LRRC8E: variants seen among roughly 807,000 people sequenced by gnomAD.
LRRC8E encodes leucine rich repeat containing 8 VRAC subunit E.
A neutral mutation model predicts 6.1 loss-of-function variants in LRRC8E; 6 were observed. That is an observed-to-expected ratio of 0.98 (90% confidence interval 0.54 to 1.93). LRRC8E has a LOEUF of 1.93. LRRC8E is among the 30% of genes most tolerant of loss of function. LRRC8E has a pLI of 0.01. For synonymous variants in LRRC8E, 485 were observed against 472.8 expected (o/e 1.03, Z -0.33); for missense variants, 1,028 against 1,031.4 (o/e 1.00, Z 0.04).
rs1056372373 is a variant in LRRC8E at position 7,900,402 on chromosome 19, A to G, written c.1880A>G (p.Gln627Arg). ...TCCATCGAGGAAATCCTCAGCTTCC[A>G]GCACTGCCGGAAGCTGGTCACGCTC... ...LRSIEEILSF[Q>R]HCRKLVTLRL... is the part of the protein sequence containing the mutation. Residue 627 changes from glutamine (Q) to arginine (R), a missense_variant, in exon 3 of 3, where the codon CAG (glutamine) becomes CGG (arginine). Gln to Arg is a conservative substitution (Grantham distance 43). Transcript: ENST00000306708. This position sits in a 1 kb window ranked among gnomAD's most constrained non-coding sequence, Gnocchi z 5.0. 3 of 1,612,892 alleles carry G rather than the reference A, an allele frequency of 1.9e-6. No individual in the cohort carries two copies. Among genetic ancestry groups the G allele is most frequent in the South Asian group, 2.2e-5 (2 of 91,062 alleles).
At chr19:7,891,162 C>T (rs947724676) in intron 1 of LRRC8E, among the ~76,000 whole-genome samples, 1 of 152,158 alleles carries the variant, frequency 6.6e-6, no homozygotes, top group African/African-American at 2.4e-5. Flanking sequence ...GCAAAGTCTC[C>T]GACATCCACG....
intron 1 of LRRC8E, among the ~76,000 whole-genome samples, chr19:7,891,347 T>G (rs1338271784): frequency 2.0e-5 from 3 of 152,126 alleles, no homozygotes; most frequent in African/African-American, 4.8e-5. Context: ...CTGTGGAAAT[T>G]TAATGGCAGG....
rs369959653 is a variant in LRRC8E, at chr19:7,895,782, G to A, written c.138+41G>A. On this transcript the variant is annotated intron_variant, in intron 2 of 2. Transcript: ENST00000306708. This position sits in a 1 kb window ranked among gnomAD's most constrained non-coding sequence, Gnocchi z 4.7. ...GGCAAGGGGGTGTGACCAGAGGGGC[G>A]GGGCAGGTGTCTGGGGAAGTCGGGA... 6.2e-5 allele frequency: 99 copies of A among 1,597,804 alleles called. No individual in the cohort carries two copies. Among genetic ancestry groups the A allele is most frequent in the Middle Eastern group, 3.4e-4 (2 of 5,898 alleles).
At position 7,901,021 on chromosome 19, in the gene LRRC8E, G is replaced by GC; in HGVS notation, c.*108_*109insC. ...CCAAGTGGGTCCAGGCCAGGAGATG[G>GC]GGGGGGCGGGGGCAGCTGTGTCATC... On this transcript the variant is annotated 3_prime_UTR_variant, in exon 3 of 3. Coordinates refer to ENST00000306708, the MANE Select transcript of LRRC8E (RefSeq NM_025061.6). The GC allele has an allele frequency of 1.6e-6, 1 of 626,086 alleles. No homozygotes were observed. Among genetic ancestry groups the GC allele is most frequent in the Non-Finnish European group, 2.3e-6 (1 of 439,780 alleles). 38.8% of individuals were successfully genotyped at this position (626,086 alleles called of 1,614,324 possible).
At chr19:7,896,487 T>C (rs931385262) in intron 2 of LRRC8E, among the ~76,000 whole-genome samples, 9 of 151,164 alleles carry the variant, frequency 6.0e-5, no homozygotes, top group Non-Finnish European at 1.2e-4. Flanking sequence ...GGCAGGAAAA[T>C]TGCTTGAACC....
Position 7,901,012 on chromosome 19 carries a change from C to G in LRRC8E, c.*99C>G. The stretch of plus-strand genomic sequence containing the variant: ...GATAGGAAGCCAAGTGGGTCCAGGC[C>G]AGGAGATGGGGGGGGCGGGGGCAGC... On this transcript the variant is annotated 3_prime_UTR_variant, in exon 3 of 3. Transcript: ENST00000306708. 7 of 595,578 alleles carry G rather than the reference C, an allele frequency of 1.2e-5. No homozygotes were observed. Among genetic ancestry groups the G allele is most frequent in the Middle Eastern group, 5.0e-4 (1 of 2,020 alleles). The allele number at this position is 595,578 out of a possible 1,614,324, so 36.9% of individuals were successfully genotyped here.
chr19:7,888,985 C>T (rs1221672974), intron 1 of LRRC8E, among the ~76,000 whole-genome samples: 4 of 152,208 alleles, frequency 2.6e-5, no homozygotes, highest in African/African-American at 9.6e-5. Flanking sequence ...TCAACCAAGC[C>T]TGACCTCTGG....
At chr19:7,897,172 C>CTT (rs147426486) in intron 2 of LRRC8E, among the ~76,000 whole-genome samples, 20,041 of 147,136 alleles carry the variant, frequency 0.14, 1,989 homozygotes, top group South Asian at 0.26. Flanking sequence ...TTTTCTTTTT[C>CTT]TTTTTCTTTT....
intron 2 of LRRC8E, among the ~76,000 whole-genome samples, chr19:7,897,209 G>A (rs531396947): frequency 7.5e-5 from 11 of 147,066 alleles, no homozygotes; most frequent in African/African-American, 1.8e-4. Flanking sequence ...TCCCTCTGTC[G>A]CCCAGGCTGG....
chr19:7,899,305 G>T lies in LRRC8E; in HGVS notation c.783G>T (p.Leu261=). Residue 261 remains leucine, a synonymous_variant, in exon 3 of 3, where the codon CTG becomes CTT. Transcript: ENST00000306708. ...LYTMYIRQTV[L]KVCKFLAILV... Reference sequence around the variant, plus strand: ...CCATGTACATCCGACAGACGGTGCTGAAAGTGTGTAAGTTCCTGGCCATCC... The same window carrying T: ...CCATGTACATCCGACAGACGGTGCTTAAAGTGTGTAAGTTCCTGGCCATCC... 1 of 1,614,230 alleles carries T rather than the reference G, an allele frequency of 6.2e-7. No individual in the cohort carries two copies. Among genetic ancestry groups the T allele is most frequent in the South Asian group, 1.1e-5 (1 of 91,088 alleles).
Position 7,900,775 on chromosome 19 carries a change from G to C in LRRC8E, c.2253G>C (p.Glu751Asp). 1 of 1,610,112 alleles carries C rather than the reference G, an allele frequency of 6.2e-7. No individual in the cohort carries two copies. The highest frequency in any genetic ancestry group is 8.5e-7 in the Non-Finnish European group (1 of 1,177,964). The change falls in exon 3 of 3, where the codon GAG becomes GAC. Residue 751 changes from glutamate to aspartate, a missense_variant. Glu to Asp is a conservative substitution (Grantham distance 45). Transcript: ENST00000306708. The surrounding 1 kb of genome is among the most constrained non-coding windows in gnomAD (Gnocchi z 5.0). ...VGALRALSRL[E>D]LKGNRLEALP... ...CCCTCAGAGCCCTCAGCCGCCTGGA[G>C]CTCAAAGGCAACCGCTTAGAGGCGC... is the stretch of plus-strand genomic sequence containing the variant.
At chr19:7,888,734 C>G (rs915936850) in intron 1 of LRRC8E, 134 bp downstream of exon 1, 1 of 152,154 alleles carries the variant, frequency 6.6e-6, no homozygotes, top group Admixed American at 6.5e-5. Flanking sequence ...CAGGCCGTCC[C>G]GACACACCAG....
chr19:7,897,478 G>A (rs1487136571), intron 2 of LRRC8E, among the ~76,000 whole-genome samples: 2 of 144,812 alleles, frequency 1.4e-5, no homozygotes, highest in South Asian at 2.2e-4. Flanking sequence ...GCGCCTGGTC[G>A]AGACAGTTTT....
At position 7,901,977 on chromosome 19, in the gene LRRC8E, C is replaced by T. The variant is rs918106688; in HGVS notation, c.*1064C>T. On this transcript the variant is annotated 3_prime_UTR_variant, in exon 3 of 3. Transcript: ENST00000306708. ...GGACAAGCAGGGACTTTGGTCTTGA[C>T]TGTTCTCTGGGTGCTTAATAAATAA... 27 of 152,156 alleles carry T rather than the reference C, an allele frequency of 1.8e-4. No individual in the cohort carries two copies. Among genetic ancestry groups the T allele is most frequent in the Admixed American group, 1.5e-3 (23 of 15,258 alleles). 9.4% of individuals were successfully genotyped at this position (152,156 alleles called of 1,614,324 possible). A position where few individuals can be genotyped will look rare whatever the true frequency, so the allele number is the denominator to read the frequency against.
Position 7,892,597 on chromosome 19 carries a change from G to A in LRRC8E, c.-5-3002G>A, listed in dbSNP as rs555370091. Among the ~76,000 whole-genome samples, 17 of 152,326 alleles carry A rather than the reference G, an allele frequency of 1.1e-4. 1 individual carries two copies. In the South Asian group the frequency reaches 1.9e-3, roughly 17 times the overall value. On this transcript the variant is annotated intron_variant, in intron 1 of 2. Coordinates refer to ENST00000306708, the MANE Select transcript of LRRC8E (RefSeq NM_025061.6). ...TGGATGGCCGGAACCAAAACAGGAC[G>A]TGAGGGTCCCTGGTGCTGGGTCCCT...
At position 7,895,415 on chromosome 19, in the gene LRRC8E, T is replaced by A; in HGVS notation, c.-5-184T>A. The A allele has an allele frequency of 1.5e-6, 1 of 666,190 alleles. No homozygotes were observed. The highest frequency in any genetic ancestry group is 2.8e-5 in the East Asian group (1 of 35,880). 41.3% of individuals were successfully genotyped at this position (666,190 alleles called of 1,614,324 possible). On this transcript the variant is annotated intron_variant, in intron 1 of 2. Coordinates refer to ENST00000306708, the MANE Select transcript of LRRC8E (RefSeq NM_025061.6). The surrounding 1 kb of genome is among the most constrained non-coding windows in gnomAD (Gnocchi z 4.7). Reference sequence around the variant, plus strand: ...GCTTGGTTCTGGGCAGGTGGTGACGTCTGCATGGAGGGTGACTAAGGCCAG... The same window carrying A: ...GCTTGGTTCTGGGCAGGTGGTGACGACTGCATGGAGGGTGACTAAGGCCAG...
intron 1 of LRRC8E, among the ~76,000 whole-genome samples, chr19:7,890,395 G>GT (rs1981242357): frequency 6.6e-6 from 1 of 151,978 alleles, no homozygotes; most frequent in African/African-American, 2.4e-5. Flanking sequence ...TTTTTTTGTT[G>GT]TTGTTTGTTT....
At position 7,899,807 on chromosome 19, in the gene LRRC8E, C is replaced by G; in HGVS notation, c.1285C>G (p.Leu429Val). Reference protein sequence around the residue: ...LELALCMLPGLPDTVFELSEV... With the variant: ...LELALCMLPGVPDTVFELSEV... Reference sequence around the variant, plus strand: ...GCTGGCCCTCTGCATGCTGCCGGGTCTGCCCGACACCGTCTTTGAGCTCAG... The same window carrying G: ...GCTGGCCCTCTGCATGCTGCCGGGTGTGCCCGACACCGTCTTTGAGCTCAG... The change falls in exon 3 of 3, where the codon CTG becomes GTG. Residue 429 changes from leucine to valine, a missense_variant. By Grantham distance (32) the Leu-to-Val change is conservative. Transcript: ENST00000306708. 6.2e-7 allele frequency: 1 copy of G among 1,607,828 alleles called. No individual in the cohort carries two copies. Among genetic ancestry groups the G allele is most frequent in the Non-Finnish European group, 8.5e-7 (1 of 1,179,958 alleles).
In LRRC8E at chr19:7,898,579, G is replaced by C. The variant is rs577546752; in HGVS notation, c.139-82G>C. ...TCACCACGTTGGCCAGGCTGGTCTC[G>C]AACTCCTGACCTAAAGTGATCCACT... is the stretch of plus-strand genomic sequence containing the variant. On this transcript the variant is annotated intron_variant, in intron 2 of 2. Coordinates refer to ENST00000306708, the MANE Select transcript of LRRC8E (RefSeq NM_025061.6). The C allele has an allele frequency of 3.1e-6, 4 of 1,291,852 alleles. 1 individual carries two copies. In the East Asian group the frequency reaches 9.3e-5, roughly 30 times the overall value. 80.0% of individuals were successfully genotyped at this position (1,291,852 alleles called of 1,614,324 possible).
Sources: gnomAD v4.1 joint callset for allele counts (sites outside exome capture counted in the v4.1 genomes callset) on GRCh38, gnomAD v4.1.1 for gene constraint, Gnocchi (gnomAD v3.1) non-coding constraint, MANE v1.5 for transcripts, NCBI Gene and HGNC (gene_info 2026-07-23, HGNC 2026-07-21) for gene names.